UBR1: variants seen among roughly 807,000 people sequenced by gnomAD.
UBR1 encodes E3 ubiquitin-protein ligase UBR1.
A neutral mutation model predicts 242.1 loss-of-function variants in UBR1; 102 were observed. That is an observed-to-expected ratio of 0.42 (90% CI 0.36 to 0.50). The LOEUF (loss-of-function observed/expected upper bound fraction) is 0.50. UBR1 is among the 20% of genes least tolerant of loss of function. The pLI is 0.01. For missense variants in UBR1, 1,772 were observed against 2,101.8 expected (o/e 0.84, Z 3.07); for synonymous variants, 675 against 684.8 (o/e 0.99, Z 0.22).
intron 44 of UBR1, among the ~76,000 whole-genome samples, chr15:42,956,028 A>G (rs1471512371): frequency 6.6e-6 from 1 of 152,158 alleles, no homozygotes; most frequent in Non-Finnish European, 1.5e-5. Flanking sequence ...AAAGAGATAA[A>G]AAAGTTTGGG....
intron 1 of UBR1, among the ~76,000 whole-genome samples, chr15:43,104,065 T>G (rs180949328): frequency 6.6e-6 from 1 of 152,184 alleles, no homozygotes; most frequent in Admixed American, 6.5e-5. Context: ...TTAAAATTAT[T>G]TGGGCCCTTA....
At position 42,960,715 on chromosome 15, in the gene UBR1, C is replaced by A; in HGVS notation, c.4701-14G>T. 1 of 1,613,188 alleles carries A rather than the reference C, an allele frequency of 6.2e-7. No homozygotes were observed. Among genetic ancestry groups the A allele is most frequent in the Non-Finnish European group, 8.5e-7 (1 of 1,179,476 alleles). On this transcript the variant is annotated splice_polypyrimidine_tract_variant and intron_variant, in intron 42 of 46. Coordinates refer to ENST00000290650, the MANE Select transcript of UBR1 (RefSeq NM_174916.3). ...TCTGCACACCACCTGTATGTGGAGC[C>A]AAGAGAAAAGACAAATGGATTATCA...
At position 43,056,393 on chromosome 15, in the gene UBR1, C is replaced by A; in HGVS notation, c.1232G>T (p.Ser411Ile). Residue 411 changes from serine to isoleucine, a missense_variant, in exon 11 of 47, where the codon AGT (serine) becomes ATT (isoleucine). Physicochemically the swap from Ser to Ile is moderately radical, Grantham distance 142. Coordinates refer to ENST00000290650, the MANE Select transcript of UBR1 (RefSeq NM_174916.3). ...KEYISDDHDRSISITALSVQM... is the reference protein window; with the variant it reads ...KEYISDDHDRIISITALSVQM... ...AACTGAAAGTGCAGTTATAGAGATA[C>A]TTCTGTCATGATCATCACTGATATA... The A allele has an allele frequency of 6.2e-7, 1 of 1,612,638 alleles. No homozygotes were observed. The highest frequency in any genetic ancestry group is 8.5e-7 in the Non-Finnish European group (1 of 1,178,800).
At chr15:43,007,008 A>G in intron 30 of UBR1, 71 bp downstream of exon 30, 1 of 1,468,264 alleles carries the variant, frequency 6.8e-7, no homozygotes, top group Admixed American at 1.7e-5. Context: ...ATGTTTTTCA[A>G]ATAGTATTTT....
At chr15:43,055,786 C>A (rs562332834) in intron 11 of UBR1, among the ~76,000 whole-genome samples, 96 of 151,892 alleles carry the variant, frequency 6.3e-4, no homozygotes, top group African/African-American at 2.2e-3. Flanking sequence ...GTGGTGGTGC[C>A]TGCCCGTAGT....
intron 35 of UBR1, among the ~76,000 whole-genome samples, chr15:42,987,241 C>T (rs781678137): frequency 3.3e-5 from 5 of 152,174 alleles, no homozygotes; most frequent in Admixed American, 6.5e-5. Flanking sequence ...TCAATGTAGG[C>T]GGAGGCTCAC....
chr15:43,014,607 C>T (rs1242090456), intron 29 of UBR1, among the ~76,000 whole-genome samples: 8 of 151,556 alleles, frequency 5.3e-5, no homozygotes, highest in African/African-American at 7.3e-5. Context: ...TCTGCCCAGC[C>T]GCCCCGTCTG....
At position 42,945,245 on chromosome 15, in the gene UBR1, C is replaced by T; in HGVS notation, c.*84G>A. ...GAGCAAAAGACCCTCCAATACTTTC[C>T]CAGCCCTCAGAAAGTTTTCCATAAT... On this transcript the variant is annotated 3_prime_UTR_variant, in exon 47 of 47. Coordinates refer to ENST00000290650, the MANE Select transcript of UBR1 (RefSeq NM_174916.3). The T allele has an allele frequency of 6.3e-7, 1 of 1,592,002 alleles. No homozygotes were observed. Among genetic ancestry groups the T allele is most frequent in the Non-Finnish European group, 8.6e-7 (1 of 1,163,068 alleles).
chr15:43,002,198 T>G (rs1484225925), intron 32 of UBR1, among the ~76,000 whole-genome samples: 1 of 152,158 alleles, frequency 6.6e-6, no homozygotes, highest in Non-Finnish European at 1.5e-5. Flanking sequence ...CAGGCACAAA[T>G]TAAAGAACTA....
Position 43,067,952 on chromosome 15 carries a change from A to G in UBR1, c.744T>C (p.Ala248=). ...YDHVIYSLQR[A]LDCELAEAQL... ...GGGCCTCTGCGAGCTCACAGTCAAG[A>G]GCTCTTTGTAGGCTGTATATGACGT... Residue 248 remains alanine (A), a synonymous_variant, in exon 6 of 47, where the codon GCT becomes GCC. Coordinates refer to ENST00000290650, the MANE Select transcript of UBR1 (RefSeq NM_174916.3). The G allele has an allele frequency of 6.2e-7, 1 of 1,613,922 alleles. No homozygotes were observed. Among genetic ancestry groups the G allele is most frequent in the Non-Finnish European group, 8.5e-7 (1 of 1,179,994 alleles).
At chr15:42,972,099 T>C (rs1177910796) in intron 39 of UBR1, among the ~76,000 whole-genome samples, 5 of 152,218 alleles carry the variant, frequency 3.3e-5, no homozygotes, top group African/African-American at 7.2e-5. Flanking sequence ...AAATGTGTAA[T>C]AATGACATGC....
At chr15:43,004,648 C>T (rs548451977) in intron 30 of UBR1, among the ~76,000 whole-genome samples, 1 of 152,338 alleles carries the variant, frequency 6.6e-6, no homozygotes, top group South Asian at 2.1e-4. Context: ...CCCGAGGTGC[C>T]GGGATTGCAG....
At chr15:43,010,679 C>A (rs2032910028) in intron 29 of UBR1, among the ~76,000 whole-genome samples, 1 of 151,838 alleles carries the variant, frequency 6.6e-6, no homozygotes, top group Non-Finnish European at 1.5e-5. Flanking sequence ...GGAAATATAA[C>A]TATGTAATTT....
intron 15 of UBR1, among the ~76,000 whole-genome samples, chr15:43,042,068 T>C (rs540860512): frequency 6.6e-6 from 1 of 152,220 alleles, no homozygotes; most frequent in African/African-American, 2.4e-5. Flanking sequence ...AATGGAATCC[T>C]AGTGCATGCG....
chr15:42,990,027 T>C lies in UBR1; in HGVS notation c.3848+3A>G. 3 of 1,603,482 alleles carry C rather than the reference T, an allele frequency of 1.9e-6. No individual in the cohort carries two copies. The highest frequency in any genetic ancestry group is 2.6e-6 in the Non-Finnish European group (3 of 1,172,614). On this transcript the variant is annotated splice_donor_region_variant and intron_variant, in intron 34 of 46. Transcript: ENST00000290650. ...AAGTTCTCTTAACTATTTAGATACTTACGAAGACTCAACGCCAAAACTCAG... is the reference window on the plus strand; with the variant it reads ...AAGTTCTCTTAACTATTTAGATACTCACGAAGACTCAACGCCAAAACTCAG...
intron 37 of UBR1, among the ~76,000 whole-genome samples, chr15:42,981,674 T>G (rs2032380965): frequency 6.6e-6 from 1 of 152,076 alleles, no homozygotes; most frequent in East Asian, 1.9e-4. Flanking sequence ...TATTTTTTAG[T>G]AGAGACAGGG....
At chr15:42,987,455 C>T (rs2032485352) in intron 35 of UBR1, among the ~76,000 whole-genome samples, 2 of 152,160 alleles carry the variant, frequency 1.3e-5, no homozygotes, top group Non-Finnish European at 1.5e-5. Context: ...GTGGCTCACG[C>T]CTGTAATCCC....
chr15:43,020,971 T>C lies in UBR1; in HGVS notation c.2940+304A>G, dbSNP rs547399017. The C allele has an allele frequency of 2.2e-3, 658 of 303,626 alleles. 2 individuals are homozygous for C. The highest frequency in any genetic ancestry group is 3.4e-3 in the Non-Finnish European group (536 of 158,512). The allele number at this position is 303,626 out of a possible 1,614,324, so 18.8% of individuals were successfully genotyped here. ...TTTAATGTCTGTCCCTCAACTGGAG[T>C]ATATGTTCCATGATAGTAAGCACCT... On this transcript the variant is annotated intron_variant, in intron 27 of 46. Transcript: ENST00000290650.
chr15:43,049,087 A>T (rs561526597), intron 12 of UBR1, among the ~76,000 whole-genome samples: 1 of 152,338 alleles, frequency 6.6e-6, no homozygotes, highest in South Asian at 2.1e-4. Flanking sequence ...TCATGAAATG[A>T]GTTATCAGGA....
Sources: gnomAD v4.1 joint callset for allele counts (sites outside exome capture counted in the v4.1 genomes callset) on GRCh38, gnomAD v4.1.1 for gene constraint, MANE v1.5 for transcripts, NCBI Gene and HGNC (gene_info 2026-07-23, HGNC 2026-07-21) for gene names.